The following RNF180 variants were observed in gnomAD, a reference collection of about 807,000 sequenced individuals.
RNF180 encodes E3 ubiquitin-protein ligase RNF180.
A neutral mutation model predicts 59.2 loss-of-function variants in RNF180; 38 were observed. The ratio of observed to expected loss-of-function variants is 0.64; its 90% CI spans 0.50 to 0.84. The LOEUF (loss-of-function observed/expected upper bound fraction) is 0.84. Ranked by LOEUF, RNF180 falls within the 40% of genes least tolerant of loss-of-function variation. RNF180 has a pLI of 0.00. For synonymous variants in RNF180, 262 were observed against 240.3 expected (o/e 1.09, Z -0.84); for missense variants, 705 against 700.9 (o/e 1.01, Z -0.07).
At chr5:64,168,328 G>A (rs897642357) in intron 1 of RNF180, among the ~76,000 whole-genome samples, 12 of 152,118 alleles carry the variant, frequency 7.9e-5, no homozygotes, top group Non-Finnish European at 1.5e-4. Flanking sequence ...TGTCCTGATG[G>A]CTACGAAGGC....
At chr5:64,183,718 G>T (rs578252322) in intron 1 of RNF180, among the ~76,000 whole-genome samples, 3 of 152,094 alleles carry the variant, frequency 2.0e-5, no homozygotes, top group Non-Finnish European at 4.4e-5. Flanking sequence ...AAAGTGCTGG[G>T]GTTACAGGCG....
intron 5 of RNF180, among the ~76,000 whole-genome samples, chr5:64,230,470 G>T (rs1202892905): frequency 6.6e-6 from 1 of 152,226 alleles, no homozygotes; most frequent in Non-Finnish European, 1.5e-5. Flanking sequence ...GCCAGCAGTA[G>T]CTGGTTGCAT....
intron 5 of RNF180, among the ~76,000 whole-genome samples, chr5:64,218,617 G>A (rs1043922880): frequency 6.6e-6 from 1 of 152,092 alleles, no homozygotes; most frequent in African/African-American, 2.4e-5. Context: ...ATCATGTTGG[G>A]ATTTTGATTG....
chr5:64,361,167 T>G (rs1181299484), intron 7 of RNF180, among the ~76,000 whole-genome samples: 1 of 151,218 alleles, frequency 6.6e-6, no homozygotes, highest in Non-Finnish European at 1.5e-5. Flanking sequence ...ACAAACCAGG[T>G]AAAAGTGTCA....
rs115149171 is a variant in RNF180, at chr5:64,302,349, G to A, written c.1228-22837G>A. Among the ~76,000 whole-genome samples, 1,046 of 151,432 alleles carry A rather than the reference G, an allele frequency of 6.9e-3. 13 individuals are homozygous for A. The highest frequency in any genetic ancestry group is 0.022 in the African/African-American group (923 of 41,380). ...ATTTATTTATTTATTTTTTTAGTTC[G>A]GATTCTGTTCTCTACCATTATATCC... is the stretch of plus-strand genomic sequence containing the variant. On this transcript the variant is annotated intron_variant, in intron 5 of 7. Transcript: ENST00000389100.
intron 5 of RNF180, among the ~76,000 whole-genome samples, chr5:64,284,735 T>A (rs751140900): frequency 8.5e-5 from 13 of 152,218 alleles, no homozygotes; most frequent in Non-Finnish European, 1.5e-4. Context: ...TTATTGTATT[T>A]CTTAGATTCC....
Position 64,274,731 on chromosome 5 carries a change from TG to T in RNF180, c.1228-50454del, listed in dbSNP as rs146514571. On this transcript the variant is annotated intron_variant, in intron 5 of 7. Coordinates refer to ENST00000389100, the MANE Select transcript of RNF180 (RefSeq NM_001113561.2). ...CTCTCTTTCTATCCTTTGTCCAGAG[TG>T]ACTGGCTTCTACTGTACTGTATTCC... Among the ~76,000 whole-genome samples the T allele has an allele frequency of 7.3e-3, 1,107 of 152,080 alleles. 13 individuals carry two copies. The highest frequency in any genetic ancestry group is 0.024 in the African/African-American group (986 of 41,508).
intron 5 of RNF180, among the ~76,000 whole-genome samples, chr5:64,235,719 T>G (rs907378363): frequency 2.0e-5 from 3 of 152,022 alleles, no homozygotes; most frequent in African/African-American, 4.8e-5. Context: ...GGGAGGTGAT[T>G]GGATAATGGG....
chr5:64,213,443 T>C lies in RNF180; in HGVS notation c.232-115T>C, dbSNP rs1217988960. 4.6e-6 allele frequency: 4 copies of C among 863,876 alleles called. No individual in the cohort carries two copies. In the East Asian group the frequency reaches 9.7e-5, roughly 21 times the overall value. 53.5% of individuals were successfully genotyped at this position (863,876 alleles called of 1,614,324 possible). Reference sequence around the variant, plus strand: ...GTCTACTAATCAGAAAACAGAAAGCTAGCCTTTTCTGTGGCATAGAAAACT... The same window carrying C: ...GTCTACTAATCAGAAAACAGAAAGCCAGCCTTTTCTGTGGCATAGAAAACT... On this transcript the variant is annotated intron_variant, in intron 3 of 7. Coordinates refer to ENST00000389100, the MANE Select transcript of RNF180 (RefSeq NM_001113561.2).
chr5:64,331,796 G>A (rs62369370), intron 7 of RNF180, among the ~76,000 whole-genome samples: 8,838 of 152,254 alleles, frequency 0.058, 375 homozygotes, highest in Non-Finnish European at 0.086. Flanking sequence ...AAGAAGAGCT[G>A]CAGCCCTTTG....
chr5:64,252,052 T>C (rs192510005), intron 5 of RNF180, among the ~76,000 whole-genome samples: 42 of 152,248 alleles, frequency 2.8e-4, no homozygotes, highest in Non-Finnish European at 5.7e-4. Flanking sequence ...CCCTAATATT[T>C]ATATGAAACT....
intron 2 of RNF180, 99 bp downstream of exon 2, chr5:64,201,041 T>A: frequency 1.1e-6 from 1 of 891,550 alleles, no homozygotes; most frequent in Non-Finnish European, 1.7e-6. Flanking sequence ...TTATTAAGAA[T>A]ATTTATAGTT....
chr5:64,170,677 A>G (rs927439172), intron 1 of RNF180, among the ~76,000 whole-genome samples: 1 of 152,336 alleles, frequency 6.6e-6, no homozygotes, highest in Non-Finnish European at 1.5e-5. Flanking sequence ...GTGTGAAGTC[A>G]TCAGCTTCTT....
At chr5:64,337,707 C>T (rs1203096533) in intron 7 of RNF180, among the ~76,000 whole-genome samples, 1 of 138,560 alleles carries the variant, frequency 7.2e-6, no homozygotes, top group Middle Eastern at 3.8e-3. Flanking sequence ...CTTTCTGTGT[C>T]CATGTGTTCT....
intron 1 of RNF180, among the ~76,000 whole-genome samples, chr5:64,171,020 T>C (rs1749907600): frequency 6.6e-6 from 1 of 152,208 alleles, no homozygotes; most frequent in Non-Finnish European, 1.5e-5. Context: ...ATAGGTCTAT[T>C]AGGGATCTAC....
intron 5 of RNF180, among the ~76,000 whole-genome samples, chr5:64,232,042 A>G (rs1038808567): frequency 7.9e-5 from 12 of 152,226 alleles, no homozygotes; most frequent in African/African-American, 2.7e-4. Context: ...TGACTGCTTG[A>G]TTGGCACCTA....
intron 2 of RNF180, among the ~76,000 whole-genome samples, chr5:64,210,362 C>G (rs1580007050): frequency 6.6e-6 from 1 of 152,104 alleles, no homozygotes; most frequent in Non-Finnish European, 1.5e-5. Flanking sequence ...TGTTGATACT[C>G]TCTCTCAAAC....
chr5:64,294,814 C>T (rs1580197383), intron 5 of RNF180, among the ~76,000 whole-genome samples: 1 of 152,112 alleles, frequency 6.6e-6, no homozygotes, highest in East Asian at 1.9e-4. Flanking sequence ...ACAATGAAAT[C>T]CATAAATCTT....
chr5:64,247,583 C>T (rs1456493419), intron 5 of RNF180, among the ~76,000 whole-genome samples: 1 of 152,214 alleles, frequency 6.6e-6, no homozygotes, highest in Non-Finnish European at 1.5e-5. Flanking sequence ...AGGAGAACTA[C>T]AAACCACTGC....
Sources: gnomAD v4.1 joint callset for allele counts (sites outside exome capture counted in the v4.1 genomes callset) on GRCh38, gnomAD v4.1.1 for gene constraint, MANE v1.5 for transcripts, NCBI Gene and HGNC (gene_info 2026-07-23, HGNC 2026-07-21) for gene names.